Variants in BCAS1 observed in about 807,000 individuals in gnomAD.
The protein encoded by BCAS1 is breast carcinoma-amplified sequence 1.
Under a neutral mutation model 65.4 loss-of-function variants are expected in BCAS1, and 46 were observed. The ratio of observed to expected loss-of-function variants is 0.70; its 90% CI spans 0.55 to 0.90. The LOEUF is 0.90. Among genes scored for constraint, BCAS1 ranks in the 40% least tolerant of loss-of-function variants. The pLI is 0.00. For missense variants in BCAS1, 793 were observed against 771.2 expected (o/e 1.03, Z -0.33); for synonymous variants, 298 against 293.5 (o/e 1.02, Z -0.16).
chr20:53,946,998 T>C (rs1424828880), intron 12 of BCAS1, among the ~76,000 whole-genome samples: 1 of 152,160 alleles, frequency 6.6e-6, no homozygotes, highest in African/African-American at 2.4e-5. Flanking sequence ...TATATGTATA[T>C]AGTACATAGA....
intron 4 of BCAS1, among the ~76,000 whole-genome samples, chr20:54,017,429 T>G (rs1373538829): frequency 6.6e-6 from 1 of 151,268 alleles, no homozygotes; most frequent in Non-Finnish European, 1.5e-5. Context: ...GGAGTCTCGC[T>G]CTGTTGCCCA....
At chr20:53,971,773 T>A (rs1310834815) in intron 9 of BCAS1, among the ~76,000 whole-genome samples, 1 of 152,234 alleles carries the variant, frequency 6.6e-6, no homozygotes, top group African/African-American at 2.4e-5. Context: ...GAGAGATTAC[T>A]TATTAAGAGA....
intron 10 of BCAS1, among the ~76,000 whole-genome samples, chr20:53,963,011 C>T (rs962036879): frequency 2.6e-5 from 4 of 151,832 alleles, no homozygotes; most frequent in Admixed American, 6.6e-5. Context: ...CCACCATGCC[C>T]GGCTAGTTTT....
chr20:53,957,417 T>A lies in BCAS1; in HGVS notation c.1551+15A>T, dbSNP rs1343393030. 1.9e-6 allele frequency: 3 copies of A among 1,609,684 alleles called. No individual in the cohort carries two copies. In the African/African-American group the frequency reaches 4.0e-5, roughly 22 times the overall value. ...CCACTAATCCCACCACCAAACTGAGTTCGAGGTCACTTACTTGGCAGCTGG... is the reference window on the plus strand; with the variant it reads ...CCACTAATCCCACCACCAAACTGAGATCGAGGTCACTTACTTGGCAGCTGG... On this transcript the variant is annotated intron_variant, in intron 11 of 12. Transcript: ENST00000688948.
intron 4 of BCAS1, among the ~76,000 whole-genome samples, chr20:53,996,544 G>A (rs2090920077): frequency 6.6e-6 from 1 of 151,738 alleles, no homozygotes; most frequent in Non-Finnish European, 1.5e-5. Flanking sequence ...GAGATATGAG[G>A]TTCATCTGTG....
At chr20:53,967,147 T>G in intron 9 of BCAS1, 74 bp from the exon 10 acceptor site, 3 of 1,506,016 alleles carry the variant, frequency 2.0e-6, no homozygotes, top group Non-Finnish European at 2.7e-6. Context: ...CAAAGTGGGG[T>G]CCTTGTTGCC....
chr20:53,964,799 G>GTT (rs10714790), intron 10 of BCAS1, among the ~76,000 whole-genome samples: 1,513 of 142,916 alleles, frequency 0.011, 32 homozygotes, highest in African/African-American at 0.036. Flanking sequence ...TGGTTTAGAG[G>GTT]TTTTTTTTTT....
At chr20:53,950,805 A>G (rs1344307936) in intron 12 of BCAS1, among the ~76,000 whole-genome samples, 1 of 152,212 alleles carries the variant, frequency 6.6e-6, no homozygotes, top group African/African-American at 2.4e-5. Flanking sequence ...AGTCTAGTCA[A>G]CTAGTCAACC....
chr20:53,990,853 G>A (rs1187469494), intron 7 of BCAS1, among the ~76,000 whole-genome samples: 2 of 152,184 alleles, frequency 1.3e-5, no homozygotes, highest in African/African-American at 4.8e-5. Context: ...TGCCACTCAA[G>A]GCAAAACCCT....
chr20:54,001,641 A>G (rs2091056788), intron 4 of BCAS1, among the ~76,000 whole-genome samples: 1 of 152,110 alleles, frequency 6.6e-6, no homozygotes, highest in Non-Finnish European at 1.5e-5. Context: ...TCTGCCCCCA[A>G]TCAACTAATC....
At chr20:54,029,876 T>A (rs1295014367) in intron 3 of BCAS1, among the ~76,000 whole-genome samples, 1 of 152,216 alleles carries the variant, frequency 6.6e-6, no homozygotes. Context: ...CTCTCTGTCT[T>A]ACCAGGGACT....
chr20:53,983,712 G>A (rs1302352970), intron 8 of BCAS1, among the ~76,000 whole-genome samples: 3 of 152,200 alleles, frequency 2.0e-5, no homozygotes, highest in African/African-American at 7.2e-5. Flanking sequence ...TCCAGTGTGG[G>A]CCTCTGGAAC....
chr20:54,027,540 C>A (rs1159184325), intron 4 of BCAS1, among the ~76,000 whole-genome samples: 3 of 152,112 alleles, frequency 2.0e-5, no homozygotes, highest in African/African-American at 7.2e-5. Flanking sequence ...TAACTTTATT[C>A]CCAAGTTTTG....
At chr20:53,990,182 C>T (rs1468969114) in intron 7 of BCAS1, among the ~76,000 whole-genome samples, 1 of 152,166 alleles carries the variant, frequency 6.6e-6, no homozygotes, top group Non-Finnish European at 1.5e-5. Flanking sequence ...GCTAATACTT[C>T]AGCTGCCTTA....
At chr20:53,983,333 GT>G (rs893222762) in intron 8 of BCAS1, among the ~76,000 whole-genome samples, 1 of 152,118 alleles carries the variant, frequency 6.6e-6, no homozygotes, top group African/African-American at 2.4e-5. Flanking sequence ...AGTGTTGGAG[GT>G]TTTACCATCA....
chr20:54,058,594 T>TA, intron 2 of BCAS1, 53 bp downstream of exon 2: 1 of 328,262 alleles, frequency 3.0e-6, no homozygotes, highest in Non-Finnish European at 4.3e-6. Context: ...CAGGAAGTTC[T>TA]TTTTTTTTTT....
At chr20:54,008,067 G>A (rs2145935076) in intron 4 of BCAS1, among the ~76,000 whole-genome samples, 1 of 152,282 alleles carries the variant, frequency 6.6e-6, no homozygotes, top group South Asian at 2.1e-4. Flanking sequence ...GACCAGGAAA[G>A]GGCAATCTGG....
At chr20:53,949,366 G>A (rs2089440557) in intron 12 of BCAS1, among the ~76,000 whole-genome samples, 3 of 143,878 alleles carry the variant, frequency 2.1e-5, no homozygotes, top group Non-Finnish European at 4.7e-5. Flanking sequence ...CAAGTGGGTT[G>A]CTCTCAGTTA....
At chr20:54,049,366 C>G (rs899083802) in intron 3 of BCAS1, among the ~76,000 whole-genome samples, 1 of 152,160 alleles carries the variant, frequency 6.6e-6, no homozygotes, top group South Asian at 2.1e-4. Flanking sequence ...ATGTCTTAGT[C>G]TCTGCCATAC....
Sources: allele counts gnomAD v4.1 joint callset (sites outside exome capture counted in the v4.1 genomes callset), GRCh38; gene constraint gnomAD v4.1.1; transcripts MANE v1.5; gene names NCBI Gene and HGNC (gene_info 2026-07-23, HGNC 2026-07-21).